CSF2RA: variants seen among roughly 807,000 people sequenced by gnomAD.
CSF2RA encodes the protein colony stimulating factor 2 receptor subunit alpha.
A neutral mutation model predicts 51.6 loss-of-function variants in CSF2RA; 42 were observed. The observed-to-expected ratio is 0.81, with a 90% CI of 0.64 to 1.05. The LOEUF is 1.05. CSF2RA is among the 50% of genes least tolerant of loss of function. CSF2RA has a pLI of 0.00. For missense variants in CSF2RA, 530 were observed against 501.1 expected, an observed-to-expected ratio of 1.06 and a Z score of -0.55; for synonymous variants, 222 against 193.0, an observed-to-expected ratio of 1.15 and a Z score of -1.24.
At chrX:1,314,924 ACCGCAC>A, downstream of CSF2RA, among the ~76,000 whole-genome samples, 1 of 97,790 alleles carries the variant, frequency 1.0e-5, no homozygotes, top group Admixed American at 1.1e-4. Flanking sequence ...CACCTGCCCA[ACCGCAC>A]TGCACTTGCC....
At chrX:1,277,540 G>A (rs1175786999) in intron 2 of CSF2RA, among the ~76,000 whole-genome samples, 20 of 138,650 alleles carry the variant, frequency 1.4e-4, no homozygotes, top group Admixed American at 2.3e-4. Flanking sequence ...TGCTTGCAGT[G>A]AGTGGAGATC....
intron 8 of CSF2RA, among the ~76,000 whole-genome samples, chrX:1,294,694 A>G (rs1289380875): frequency 2.6e-5 from 4 of 152,052 alleles, no homozygotes; most frequent in Non-Finnish European, 5.9e-5. Context: ...TCCTGCAACC[A>G]TGGAACCAGG....
chrX:1,299,443 G>C (rs1422112235), intron 9 of CSF2RA, among the ~76,000 whole-genome samples: 8 of 152,036 alleles, frequency 5.3e-5, no homozygotes, highest in Non-Finnish European at 1.2e-4. Context: ...ATTTATTTTT[G>C]AGACGGAGTC....
Position 1,285,843 on chromosome X carries a change from A to T in CSF2RA, c.142A>T (p.Ser48Cys). The T allele has an allele frequency of 1.2e-6, 2 of 1,613,924 alleles. No homozygotes were observed. Among genetic ancestry groups the T allele is most frequent in the Non-Finnish European group, 1.7e-6 (2 of 1,179,848 alleles). Residue 48 changes from serine (S) to cysteine (C), a missense_variant, in exon 4 of 13, where the codon AGC (serine) becomes TGC (cysteine). Ser to Cys is a moderately radical substitution (Grantham distance 112). Transcript: ENST00000381529. ...VRFDSRTMNL[S>C]WDCQENTTFS... ...GTTTGACTCCAGGACGATGAATTTA[A>T]GCTGGGACTGCCAAGAAAACACAAC...
At chrX:1,276,549 T>G (rs1330260370) in intron 2 of CSF2RA, among the ~76,000 whole-genome samples, 11 of 151,664 alleles carry the variant, frequency 7.3e-5, no homozygotes, top group Admixed American at 6.6e-4. Flanking sequence ...AGTATTTGTA[T>G]TTTTAGTAGA....
intron 10 of CSF2RA, among the ~76,000 whole-genome samples, chrX:1,301,928 T>C (rs1309141448): frequency 1.4e-5 from 2 of 144,670 alleles, no homozygotes; most frequent in African/African-American, 5.1e-5. Flanking sequence ...TTTTTTTTTT[T>C]TTTTTTAGAT....
At chrX:1,288,667 G>A (rs200058457) in intron 5 of CSF2RA, 25 bp downstream of exon 5, 212 of 1,613,928 alleles carry the variant, frequency 1.3e-4, no homozygotes, top group Middle Eastern at 3.3e-4. Context: ...TCAGGGATCC[G>A]TTTACAGCAC....
chrX:1,309,194 A>G, intron 12 of CSF2RA, among the ~76,000 whole-genome samples: 1 of 152,278 alleles, frequency 6.6e-6, no homozygotes. Context: ...GGGCGCCTGT[A>G]ATCCCAGCTA....
intron 1 of CSF2RA, among the ~76,000 whole-genome samples, chrX:1,270,896 C>G (rs2088301127): frequency 2.3e-5 from 1 of 42,772 alleles, no homozygotes. Flanking sequence ...CCAAAATTAG[C>G]CGGGGCGTGG....
the CSF2RA span, among the ~76,000 whole-genome samples, chrX:1,318,872 G>A: frequency 4.3e-3 from 639 of 147,738 alleles, 2 homozygotes; most frequent in Middle Eastern, 0.014. Context: ...AGCCGAGATC[G>A]TGCCACTGCA....
At chrX:1,271,996 G>A (rs1313329916) in intron 1 of CSF2RA, among the ~76,000 whole-genome samples, 4 of 143,248 alleles carry the variant, frequency 2.8e-5, no homozygotes, top group East Asian at 2.1e-4. Context: ...CTCTGTCACC[G>A]AGGCTGGAGT....
rs150388117 is a variant in CSF2RA at position 1,300,732 on chromosome X, C to T, written c.946+106C>T. 19,672 of 1,447,390 alleles carry T rather than the reference C, an allele frequency of 0.014. 230 individuals carry two copies. Among genetic ancestry groups the T allele is most frequent in the Admixed American group, 0.036 (2,116 of 59,378 alleles). 89.7% of individuals were successfully genotyped at this position (1,447,390 alleles called of 1,614,324 possible). On this transcript the variant is annotated intron_variant, in intron 10 of 12. Transcript: ENST00000381529. ...CTGGGCGCTGAGATCGAGTTGAGCA[C>T]GTCGCTGGGAGTAGTGTCAGGCTCT...
chrX:1,315,560 C>A, the CSF2RA span, among the ~76,000 whole-genome samples: 2 of 151,588 alleles, frequency 1.3e-5, no homozygotes, highest in Admixed American at 6.7e-5. Flanking sequence ...TGCACCACCA[C>A]CCCCAGCCAA....
intron 2 of CSF2RA, among the ~76,000 whole-genome samples, chrX:1,280,326 C>G (rs1365573244): frequency 6.6e-6 from 1 of 151,896 alleles, no homozygotes; most frequent in South Asian, 2.1e-4. Context: ...GCAAAATTAG[C>G]CTGGCATAAT....
intron 3 of CSF2RA, 74 bp downstream of exon 3, chrX:1,282,853 A>G (rs1415634313): frequency 8.0e-7 from 1 of 1,253,752 alleles, no homozygotes; most frequent in Non-Finnish European, 1.2e-6. Context: ...ACCCATCTGG[A>G]TACCTGGGTC....
chrX:1,314,336 C>T (rs867735131), downstream of CSF2RA, among the ~76,000 whole-genome samples: 135 of 127,824 alleles, frequency 1.1e-3, no homozygotes, highest in Admixed American at 4.5e-3. Flanking sequence ...ACCTGCCCAA[C>T]CCCACTGCGC....
intron 4 of CSF2RA, among the ~76,000 whole-genome samples, chrX:1,286,467 G>A (rs1286442135): frequency 8.8e-6 from 1 of 113,150 alleles, no homozygotes; most frequent in Non-Finnish European, 2.0e-5. Flanking sequence ...TACTCGGGAG[G>A]CTGAGGCAGG....
At chrX:1,288,679 G>A (rs1411131920) in intron 5 of CSF2RA, 37 bp downstream of exon 5, 3 of 1,613,884 alleles carry the variant, frequency 1.9e-6, no homozygotes, top group South Asian at 1.1e-5. Flanking sequence ...TTACAGCACT[G>A]GCCCCACCAC....
At chrX:1,310,874 C>T (rs1275802472), downstream of CSF2RA, among the ~76,000 whole-genome samples, 1 of 151,942 alleles carries the variant, frequency 6.6e-6, no homozygotes, top group Non-Finnish European at 1.5e-5. Context: ...GGGGCGGACT[C>T]CTTATAAATG....
Sources: allele counts gnomAD v4.1 joint callset (sites outside exome capture counted in the v4.1 genomes callset), GRCh38; gene constraint gnomAD v4.1.1; transcripts MANE v1.5; gene names NCBI Gene and HGNC (gene_info 2026-07-23, HGNC 2026-07-21).